PPFIA4: variants seen among roughly 807,000 people sequenced by gnomAD.
The protein encoded by PPFIA4 is PPFI scaffold protein A4, also known as liprin-alpha-4.
A neutral mutation model predicts 145.7 loss-of-function variants in PPFIA4; 98 were observed. The ratio of observed to expected loss-of-function variants is 0.67; its 90% CI spans 0.57 to 0.80. PPFIA4 has a LOEUF of 0.80. Ranked by LOEUF, PPFIA4 falls within the 30% of genes least tolerant of loss-of-function variation. The pLI is 0.00. For synonymous variants in PPFIA4, 628 were observed against 649.6 expected (o/e 0.97, Z 0.51); for missense variants, 1,457 against 1,632.7 (o/e 0.89, Z 1.85).
At chr1:203,073,277 A>T (rs1406548859) in intron 28 of PPFIA4, among the ~76,000 whole-genome samples, 1 of 152,184 alleles carries the variant, frequency 6.6e-6, no homozygotes, top group Non-Finnish European at 1.5e-5. Context: ...AGCAGATGCG[A>T]GTCTGATTTC....
intron 9 of PPFIA4, among the ~76,000 whole-genome samples, chr1:203,046,980 A>G (rs1416885493): frequency 6.6e-6 from 1 of 152,240 alleles, no homozygotes; most frequent in Non-Finnish European, 1.5e-5. Context: ...TGAAAACATA[A>G]TAGGTTCTGG....
intron 19 of PPFIA4, among the ~76,000 whole-genome samples, chr1:203,058,676 G>A (rs1455906021): frequency 1.3e-5 from 2 of 152,180 alleles, no homozygotes; most frequent in Non-Finnish European, 2.9e-5. Flanking sequence ...TCAAGGAGAT[G>A]TTTAGTAGAA....
chr1:203,068,785 G>C lies in PPFIA4; in HGVS notation c.3324+157G>C, dbSNP rs1206243908. Among the ~76,000 whole-genome samples the C allele has an allele frequency of 6.6e-6, 1 of 152,162 alleles. No homozygotes were observed. Among genetic ancestry groups the C allele is most frequent in the Non-Finnish European group, 1.5e-5 (1 of 68,026 alleles). On this transcript the variant is annotated intron_variant, in intron 27 of 29. Coordinates refer to ENST00000295706, the MANE Select transcript of PPFIA4 (RefSeq NM_001304331.2). The surrounding 1 kb of genome is among the most constrained non-coding windows in gnomAD (Gnocchi z 4.7). ...GATCGCAATGTCCTCAATTCTCCAA[G>C]TGATCGCTGTGCATAAGCAAGCCCT... is the stretch of plus-strand genomic sequence containing the variant.
In PPFIA4 at chr1:203,045,265, A is replaced by G. The variant is rs1473867628; in HGVS notation, c.667-103A>G. On this transcript the variant is annotated intron_variant, in intron 6 of 29. Transcript: ENST00000295706. ...CTGTGATGTTGGGGGCAGAGCCTTG[A>G]CCTGCTCTGGGTGTGCTGTTCCTCC... 4 of 1,043,470 alleles carry G rather than the reference A, an allele frequency of 3.8e-6. No individual in the cohort carries two copies. The African/African-American group carries it at 4.8e-5, about 13-fold the overall frequency. The allele number at this position is 1,043,470 out of a possible 1,614,324, so 64.6% of individuals were successfully genotyped here.
At chr1:203,044,897 T>C in intron 6 of PPFIA4, 112 bp downstream of exon 6, 1 of 860,464 alleles carries the variant, frequency 1.2e-6, no homozygotes, top group Non-Finnish European at 1.9e-6. Context: ...AATTTGAGGC[T>C]TTCTCTGATA....
At position 203,041,524 on chromosome 1, in the gene PPFIA4, C is replaced by T. The variant is rs572111847; in HGVS notation, c.235-1873C>T. Among the ~76,000 whole-genome samples, 4 of 152,256 alleles carry T rather than the reference C, an allele frequency of 2.6e-5. No homozygotes were observed. The South Asian group carries it at 8.3e-4, about 32-fold the overall frequency. On this transcript the variant is annotated intron_variant, in intron 2 of 29. Transcript: ENST00000295706. Reference sequence around the variant, plus strand: ...GGAGGATCGCCTGAGCCCAGGAGGTCCAGGCTGCAGTGAGTTGAAATTGAG... The same window carrying T: ...GGAGGATCGCCTGAGCCCAGGAGGTTCAGGCTGCAGTGAGTTGAAATTGAG...
Position 203,044,687 on chromosome 1 carries a change from G to A in PPFIA4, c.577-9G>A. On this transcript the variant is annotated splice_polypyrimidine_tract_variant and intron_variant, in intron 5 of 29. Coordinates refer to ENST00000295706, the MANE Select transcript of PPFIA4 (RefSeq NM_001304331.2). ...TTTGACTCATTGCCCTGGGGCTTGTGCCCTACAGGTGTCTGCCCTGCAGCA... is the reference window on the plus strand; with the variant it reads ...TTTGACTCATTGCCCTGGGGCTTGTACCCTACAGGTGTCTGCCCTGCAGCA... 1 of 1,549,152 alleles carries A rather than the reference G, an allele frequency of 6.5e-7. No individual in the cohort carries two copies. The highest frequency in any genetic ancestry group is 8.7e-7 in the Non-Finnish European group (1 of 1,146,740).
At chr1:203,029,806 T>G (rs1367562025) in intron 1 of PPFIA4, among the ~76,000 whole-genome samples, 31 of 152,230 alleles carry the variant, frequency 2.0e-4, no homozygotes, top group Admixed American at 2.0e-3. Context: ...CATATGGGTT[T>G]ATAACCCTGA....
chr1:203,056,402 GAGGAT>G lies in PPFIA4; in HGVS notation c.2136_2140del (p.Asp713SerfsTer6). The G allele has an allele frequency of 6.2e-7, 1 of 1,614,004 alleles. No individual in the cohort carries two copies. The highest frequency in any genetic ancestry group is 8.5e-7 in the Non-Finnish European group (1 of 1,179,886). Reference sequence around the variant, plus strand: ...GCCAGTGTCTCGGGAAGAGAACCGAGAGGATAAAGCCACCATAAAATGTGAGACTT... The same window carrying G: ...GCCAGTGTCTCGGGAAGAGAACCGAGAAAGCCACCATAAAATGTGAGACTT... On this transcript the variant is annotated frameshift_variant, in exon 18 of 30. Transcript: ENST00000295706. LOFTEE classifies it high-confidence loss of function.
intron 1 of PPFIA4, among the ~76,000 whole-genome samples, chr1:203,027,990 A>AT (rs1658535259): frequency 1.3e-5 from 2 of 152,224 alleles, no homozygotes; most frequent in Non-Finnish European, 2.9e-5. Flanking sequence ...AGCTTGAATG[A>AT]TTTCCCTTGG....
At position 203,048,906 on chromosome 1, in the gene PPFIA4, G is replaced by C; in HGVS notation, c.1357-12G>C. 1 of 1,548,220 alleles carries C rather than the reference G, an allele frequency of 6.5e-7. No homozygotes were observed. Among genetic ancestry groups the C allele is most frequent in the Admixed American group, 2.0e-5 (1 of 50,954 alleles). Reference sequence around the variant, plus strand: ...GAAGGCAGGGGCCTGGCTCACAGCTGCTCTCCCCCAGAACACGTTGATCCA... The same window carrying C: ...GAAGGCAGGGGCCTGGCTCACAGCTCCTCTCCCCCAGAACACGTTGATCCA... On this transcript the variant is annotated splice_polypyrimidine_tract_variant and intron_variant, in intron 11 of 29. Coordinates refer to ENST00000295706, the MANE Select transcript of PPFIA4 (RefSeq NM_001304331.2). This position sits in a 1 kb window ranked among gnomAD's most constrained non-coding sequence, Gnocchi z 5.8.
At chr1:203,039,788 A>G (rs1192881748) in intron 2 of PPFIA4, among the ~76,000 whole-genome samples, 1 of 152,210 alleles carries the variant, frequency 6.6e-6, no homozygotes, top group Non-Finnish European at 1.5e-5. Context: ...CTTTCTGTGG[A>G]CCAAGCACTT....
intron 9 of PPFIA4, chr1:203,046,606 TGTA>T: frequency 2.2e-6 from 1 of 445,662 alleles, no homozygotes. Flanking sequence ...TAAGAAGGGG[TGTA>T]AAAGTACTTG....
rs377478528 is a variant in PPFIA4 at position 203,068,501 on chromosome 1, T to C, written c.3197T>C (p.Ile1066Thr). Residue 1066 changes from isoleucine (I) to threonine (T), a missense_variant, in exon 27 of 30, where the codon ATT (isoleucine) becomes ACT (threonine). By Grantham distance (89) the Ile-to-Thr change is moderately conservative. Coordinates refer to ENST00000295706, the MANE Select transcript of PPFIA4 (RefSeq NM_001304331.2). The surrounding 1 kb of genome is among the most constrained non-coding windows in gnomAD (Gnocchi z 4.7). ...NDQVVHWVQS[I>T]GLRDYAGNLH... ...CAGGTGGTTCATTGGGTCCAGTCTATTGGGCTCCGGGACTACGCAGGAAAC... is the reference window on the plus strand; with the variant it reads ...CAGGTGGTTCATTGGGTCCAGTCTACTGGGCTCCGGGACTACGCAGGAAAC... The C allele has an allele frequency of 5.6e-5, 90 of 1,609,344 alleles. No homozygotes were observed. Among genetic ancestry groups the C allele is most frequent in the East Asian group, 4.3e-4 (19 of 44,560 alleles).
At chr1:203,041,029 A>G (rs926487054) in intron 2 of PPFIA4, among the ~76,000 whole-genome samples, 5 of 152,158 alleles carry the variant, frequency 3.3e-5, no homozygotes, top group East Asian at 3.8e-4. Context: ...CACTCCTCCA[A>G]ATGGCTTTCA....
chr1:203,036,530 G>C (rs182848116), intron 1 of PPFIA4, among the ~76,000 whole-genome samples: 1 of 151,906 alleles, frequency 6.6e-6, no homozygotes. Context: ...TTGGCCTCTC[G>C]TGGCATCTTG....
chr1:203,053,532 C>T (rs1336802398), intron 14 of PPFIA4, among the ~76,000 whole-genome samples: 1 of 106,106 alleles, frequency 9.4e-6, no homozygotes, highest in Non-Finnish European at 2.1e-5. Context: ...GACTCCATCT[C>T]AAAAAACAAA....
At chr1:203,031,347 C>T (rs935617233) in intron 1 of PPFIA4, among the ~76,000 whole-genome samples, 3 of 152,350 alleles carry the variant, frequency 2.0e-5, no homozygotes, top group South Asian at 2.1e-4. Flanking sequence ...GGCTTATGCC[C>T]GAGGCATGAA....
intron 20 of PPFIA4, 22 bp from the exon 21 acceptor site, chr1:203,059,748 C>T (rs191099068): frequency 6.3e-7 from 1 of 1,598,252 alleles, no homozygotes; most frequent in African/African-American, 1.3e-5. Context: ...ACTAGTGAGT[C>T]TGTTGTTCCT....
Sources: gnomAD v4.1 joint callset for allele counts (sites outside exome capture counted in the v4.1 genomes callset) on GRCh38, gnomAD v4.1.1 for gene constraint, Gnocchi (gnomAD v3.1) non-coding constraint, MANE v1.5 for transcripts, NCBI Gene and HGNC (gene_info 2026-07-23, HGNC 2026-07-21) for gene names.